Variants in RNGTT observed in about 807,000 individuals in gnomAD.
RNGTT encodes RNA guanylyltransferase and 5'-phosphatase.
Under a neutral mutation model 79.3 loss-of-function variants are expected in RNGTT, and 33 were observed. The observed-to-expected ratio is 0.42, with a 90% CI of 0.32 to 0.56. RNGTT has a LOEUF of 0.56. RNGTT is among the 20% of genes least tolerant of loss of function. The pLI, the probability that RNGTT is intolerant of heterozygous loss-of-function variation, is 0.17. For synonymous variants in RNGTT, 222 were observed against 235.9 expected, an observed-to-expected ratio of 0.94 and a Z score of 0.54; for missense variants, 497 against 739.1, an observed-to-expected ratio of 0.67 and a Z score of 3.80.
intron 1 of RNGTT, among the ~76,000 whole-genome samples, chr6:88,953,328 C>T (rs1343579541): frequency 6.6e-6 from 1 of 151,894 alleles, no homozygotes; most frequent in Non-Finnish European, 1.5e-5. Flanking sequence ...ATACAAAATG[C>T]ACTGGAAAAT....
intron 11 of RNGTT, among the ~76,000 whole-genome samples, chr6:88,816,918 T>A (rs1345473099): frequency 6.6e-6 from 1 of 152,052 alleles, no homozygotes; most frequent in Admixed American, 6.6e-5. Context: ...GGGGAGAGAT[T>A]CTCATTATTT....
intron 8 of RNGTT, among the ~76,000 whole-genome samples, chr6:88,879,545 T>C (rs1782628934): frequency 6.6e-6 from 1 of 152,152 alleles, no homozygotes; most frequent in South Asian, 2.1e-4. Context: ...TGACCACACA[T>C]TGAGCACCCT....
At chr6:88,647,082 C>T in intron 14 of RNGTT, among the ~76,000 whole-genome samples, 1 of 151,740 alleles carries the variant, frequency 6.6e-6, no homozygotes, top group African/African-American at 2.4e-5. Context: ...ATAAGTTGAA[C>T]CATTGAGGCC....
chr6:88,828,114 G>A (rs987170934), intron 11 of RNGTT, among the ~76,000 whole-genome samples: 10 of 152,158 alleles, frequency 6.6e-5, no homozygotes, highest in African/African-American at 2.4e-4. Flanking sequence ...CTCCCAGCAG[G>A]GGTCAACAGA....
intron 8 of RNGTT, among the ~76,000 whole-genome samples, chr6:88,855,962 T>C (rs1781831946): frequency 6.6e-6 from 1 of 152,110 alleles, no homozygotes. Flanking sequence ...TCTGCAAAAA[T>C]GGCATGGAAG....
At chr6:88,703,893 T>C (rs1157037307) in intron 13 of RNGTT, among the ~76,000 whole-genome samples, 1 of 152,138 alleles carries the variant, frequency 6.6e-6, no homozygotes, top group East Asian at 1.9e-4. Context: ...CTTTGGCCTC[T>C]TTCTAATATA....
At chr6:88,884,865 T>C (rs1193997215) in intron 8 of RNGTT, among the ~76,000 whole-genome samples, 1 of 152,202 alleles carries the variant, frequency 6.6e-6, no homozygotes, top group Non-Finnish European at 1.5e-5. Context: ...TTTCTCACAG[T>C]GGCTTTGGAT....
chr6:88,673,030 T>G (rs751718835), intron 14 of RNGTT, among the ~76,000 whole-genome samples: 1 of 152,220 alleles, frequency 6.6e-6, no homozygotes, highest in Non-Finnish European at 1.5e-5. Context: ...TATCTTTTTG[T>G]GTTCTTTCTT....
At chr6:88,658,054 C>T (rs775727494) in intron 14 of RNGTT, among the ~76,000 whole-genome samples, 1 of 152,174 alleles carries the variant, frequency 6.6e-6, no homozygotes, top group Non-Finnish European at 1.5e-5. Context: ...AGTACTTATC[C>T]TGGCCAATGT....
At chr6:88,724,817 C>T (rs1431498892) in intron 13 of RNGTT, among the ~76,000 whole-genome samples, 1 of 152,162 alleles carries the variant, frequency 6.6e-6, no homozygotes, top group African/African-American at 2.4e-5. Flanking sequence ...TTCCCATTAC[C>T]TGCTCTGTCA....
chr6:88,951,605 G>A (rs79347347), intron 1 of RNGTT, among the ~76,000 whole-genome samples: 8 of 151,636 alleles, frequency 5.3e-5, no homozygotes, highest in Non-Finnish European at 1.2e-4. Context: ...AAGTGTGAGA[G>A]GGGGGATAAA....
intron 12 of RNGTT, among the ~76,000 whole-genome samples, chr6:88,794,987 T>C (rs777764698): frequency 6.6e-6 from 1 of 152,122 alleles, no homozygotes; most frequent in Non-Finnish European, 1.5e-5. Context: ...AAAATCTCCA[T>C]ATCAGAGAAG....
At chr6:88,886,602 CTTAATTA>C (rs1562302541) in intron 8 of RNGTT, among the ~76,000 whole-genome samples, 1 of 152,058 alleles carries the variant, frequency 6.6e-6, no homozygotes, top group African/African-American at 2.4e-5. Context: ...TTTTTAAATG[CTTAATTA>C]TTAGAGATCA....
At chr6:88,817,197 C>G (rs1200782911) in intron 11 of RNGTT, among the ~76,000 whole-genome samples, 6 of 151,946 alleles carry the variant, frequency 3.9e-5, no homozygotes, top group African/African-American at 1.4e-4. Flanking sequence ...TCTCAGACAG[C>G]AAAAAGGAAT....
At position 88,906,377 on chromosome 6, in the gene RNGTT, T is replaced by C. The variant is rs1208549384; in HGVS notation, c.431A>G (p.Lys144Arg). Residue 144 changes from lysine (K) to arginine (R), a missense_variant, in exon 5 of 16, where the codon AAA becomes AGA. This residue lies in a region of RNGTT where 440 missense variants were observed against 671.5 expected (regional missense o/e 0.66). Coordinates refer to ENST00000369485, the MANE Select transcript of RNGTT (RefSeq NM_003800.5). ...GFLICAFLVE[K>R]MDWSIEAAVA... ...AAGATACAAATACCTCCAATCCATT[T>C]TCTCCACCAAAAAGGCACATATGAG... 2 of 1,593,696 alleles carry C rather than the reference T, an allele frequency of 1.3e-6. No homozygotes were observed. The highest frequency in any genetic ancestry group is 2.7e-5 in the African/African-American group (2 of 74,192).
rs779283761 is a variant in RNGTT at position 88,610,205 on chromosome 6, G to A, written c.*2514C>T. The A allele has an allele frequency of 2.0e-5, 3 of 152,612 alleles. No homozygotes were observed. Among genetic ancestry groups the A allele is most frequent in the Non-Finnish European group, 2.9e-5 (2 of 68,030 alleles). 9.5% of individuals were successfully genotyped at this position (152,612 alleles called of 1,614,324 possible). ...CACTGGGTGTGGCTGACAGCAGTAG[G>A]ATGTGATGCCAGCAATAGAAGGGAC... is the stretch of plus-strand genomic sequence containing the variant. On this transcript the variant is annotated 3_prime_UTR_variant, in exon 16 of 16. Transcript: ENST00000369485.
intron 14 of RNGTT, among the ~76,000 whole-genome samples, chr6:88,642,828 T>C (rs1273993555): frequency 6.6e-6 from 1 of 152,222 alleles, no homozygotes; most frequent in Non-Finnish European, 1.5e-5. Flanking sequence ...AAATGATTTA[T>C]TTTGCCTATT....
Position 88,698,171 on chromosome 6 carries a change from T to C in RNGTT, c.1440-19752A>G. 1.7e-5 allele frequency among the ~76,000 whole-genome samples: 2 copies of C among 116,720 alleles called. 1 individual carries two copies. The highest frequency in any genetic ancestry group is 3.4e-5 in the Non-Finnish European group (2 of 59,630). 76.6% of individuals were successfully genotyped at this position (116,720 alleles called of 152,430 possible). A position where few individuals can be genotyped will look rare whatever the true frequency, so the allele number is the denominator to read the frequency against. The stretch of plus-strand genomic sequence containing the variant: ...TGAAATACATATGATATATATGACA[T>C]ATATATGATATATATATGAAATATA... On this transcript the variant is annotated intron_variant, in intron 13 of 15. Coordinates refer to ENST00000369485, the MANE Select transcript of RNGTT (RefSeq NM_003800.5).
At chr6:88,746,172 C>T (rs1237862061) in intron 13 of RNGTT, among the ~76,000 whole-genome samples, 3 of 152,306 alleles carry the variant, frequency 2.0e-5, no homozygotes, top group Non-Finnish European at 4.4e-5. Flanking sequence ...TTCCCCACCA[C>T]CAAAGAGTGG....
Sources: gnomAD v4.1 joint callset for allele counts (sites outside exome capture counted in the v4.1 genomes callset) on GRCh38, gnomAD v4.1.1 for gene constraint, gnomAD v4.1.1 regional missense constraint, MANE v1.5 for transcripts, NCBI Gene and HGNC (gene_info 2026-07-23, HGNC 2026-07-21) for gene names.